FRMD4A: variants seen among roughly 807,000 people sequenced by gnomAD.
The protein encoded by FRMD4A is FERM domain containing 4A.
FRMD4A carries 29 observed loss-of-function variants against 129.1 expected under a neutral mutation model. That is an observed-to-expected ratio of 0.22 (90% CI 0.17 to 0.31). The LOEUF (loss-of-function observed/expected upper bound fraction) is 0.31. FRMD4A is among the 10% of genes least tolerant of loss of function. FRMD4A has a pLI of 1.00. For missense variants in FRMD4A, 1,272 were observed against 1,375.8 expected (o/e 0.92, Z 1.19); for synonymous variants, 634 against 571.6 (o/e 1.11, Z -1.56).
chr10:14,174,915 G>A (rs953976440), intron 2 of FRMD4A, among the ~76,000 whole-genome samples: 1 of 149,072 alleles, frequency 6.7e-6, no homozygotes, highest in African/African-American at 2.5e-5. Context: ...GTGTGTGTGT[G>A]TGTGGACGCG....
At chr10:14,287,224 T>C (rs1220942064) in intron 2 of FRMD4A, among the ~76,000 whole-genome samples, 2 of 152,112 alleles carry the variant, frequency 1.3e-5, no homozygotes, top group African/African-American at 4.8e-5. Context: ...GCTCTTCCTC[T>C]TCCGTGTTTC....
At position 14,206,888 on chromosome 10, in the gene FRMD4A, T is replaced by C. The variant is rs78628268; in HGVS notation, c.45+123170A>G. 6.2e-4 allele frequency among the ~76,000 whole-genome samples: 94 copies of C among 151,160 alleles called. 2 individuals carry two copies. In the East Asian group the frequency reaches 0.018, roughly 28 times the overall value. ...CCTAAAGGTGAGATCCACAGGCTCATGCCCCACTGATTGGAATGCAAAATG... is the reference window on the plus strand; with the variant it reads ...CCTAAAGGTGAGATCCACAGGCTCACGCCCCACTGATTGGAATGCAAAATG... On this transcript the variant is annotated intron_variant, in intron 2 of 24. Coordinates refer to ENST00000357447, the MANE Select transcript of FRMD4A (RefSeq NM_018027.5).
chr10:14,045,111 C>CTTGATAGATAG (rs1833933745), intron 2 of FRMD4A, among the ~76,000 whole-genome samples: 9 of 152,132 alleles, frequency 5.9e-5, no homozygotes, highest in African/African-American at 2.2e-4. Context: ...CTATGTTGCC[C>CTTGATAGATAG]TGGCTGGTCT....
At chr10:13,656,008 T>C (rs2082112632) in intron 22 of FRMD4A, 1 of 152,204 alleles carries the variant, frequency 6.6e-6, no homozygotes, top group Non-Finnish European at 1.5e-5. Flanking sequence ...GAATATAAGG[T>C]AAACTTTATA....
intron 2 of FRMD4A, among the ~76,000 whole-genome samples, chr10:13,940,543 C>A (rs2095283303): frequency 6.6e-6 from 1 of 152,244 alleles, no homozygotes; most frequent in East Asian, 1.9e-4. Flanking sequence ...CTGAATAATG[C>A]CTATGTATAG....
chr10:14,141,978 T>A (rs1433276655), intron 2 of FRMD4A, among the ~76,000 whole-genome samples: 1 of 152,182 alleles, frequency 6.6e-6, no homozygotes, highest in Non-Finnish European at 1.5e-5. Flanking sequence ...AAATGTGTAT[T>A]TGCTCTAACA....
intron 2 of FRMD4A, among the ~76,000 whole-genome samples, chr10:14,224,400 G>A (rs972214459): frequency 6.6e-6 from 1 of 152,196 alleles, no homozygotes; most frequent in African/African-American, 2.4e-5. Flanking sequence ...TCAAAGGAGG[G>A]CCCTGTGAGA....
rs111779542 is a variant in FRMD4A at position 14,305,235 on chromosome 10, A to G, written c.45+24823T>C. Among the ~76,000 whole-genome samples, 249 of 152,290 alleles carry G rather than the reference A, an allele frequency of 1.6e-3. 1 individual carries two copies. Among genetic ancestry groups the G allele is most frequent in the African/African-American group, 5.8e-3 (242 of 41,560 alleles). On this transcript the variant is annotated intron_variant, in intron 2 of 24. Transcript: ENST00000357447. Reference sequence around the variant, plus strand: ...GGAACCTGTGCTTTTTCCTTGAGCTATTTACCAGGTTCATTATTCACATTT... The same window carrying G: ...GGAACCTGTGCTTTTTCCTTGAGCTGTTTACCAGGTTCATTATTCACATTT...
intron 2 of FRMD4A, among the ~76,000 whole-genome samples, chr10:14,176,240 C>A (rs1166772487): frequency 6.6e-6 from 1 of 152,120 alleles, no homozygotes; most frequent in Non-Finnish European, 1.5e-5. Context: ...CAAAACTCAA[C>A]CAACTCATCA....
At chr10:13,665,175 G>A (rs2082922915) in intron 18 of FRMD4A, among the ~76,000 whole-genome samples, 1 of 152,030 alleles carries the variant, frequency 6.6e-6, no homozygotes, top group Non-Finnish European at 1.5e-5. Context: ...CCCAGCCCCA[G>A]CTTAACTATT....
chr10:14,300,408 C>A (rs1846147051), intron 2 of FRMD4A, among the ~76,000 whole-genome samples: 1 of 152,182 alleles, frequency 6.6e-6, no homozygotes, highest in South Asian at 2.1e-4. Flanking sequence ...TTTAGACAGT[C>A]TGCAATTTTT....
At chr10:13,818,828 A>T (rs1009056695) in intron 3 of FRMD4A, among the ~76,000 whole-genome samples, 28 of 152,200 alleles carry the variant, frequency 1.8e-4, no homozygotes, top group Admixed American at 6.5e-5. Flanking sequence ...TAAATTATTT[A>T]AAAAATTCCA....
At chr10:13,810,480 T>C (rs1412804168) in intron 4 of FRMD4A, among the ~76,000 whole-genome samples, 1 of 152,234 alleles carries the variant, frequency 6.6e-6, no homozygotes, top group Non-Finnish European at 1.5e-5. Context: ...ATGTTTCATT[T>C]CCAGAAGTTT....
chr10:13,776,053 A>G (rs2092590133), intron 6 of FRMD4A, among the ~76,000 whole-genome samples: 1 of 152,246 alleles, frequency 6.6e-6, no homozygotes, highest in South Asian at 2.1e-4. Context: ...CCATACTAAG[A>G]AAATGGAAAA....
intron 12 of FRMD4A, among the ~76,000 whole-genome samples, chr10:13,730,859 CAAAAAAA>C (rs10639026): frequency 7.7e-5 from 7 of 90,854 alleles, no homozygotes; most frequent in African/African-American, 1.7e-4. Flanking sequence ...ACTAAAAATA[CAAAAAAA>C]AAAAAAAAAA....
At chr10:13,775,188 A>G (rs891979973) in intron 6 of FRMD4A, among the ~76,000 whole-genome samples, 2 of 152,172 alleles carry the variant, frequency 1.3e-5, no homozygotes, top group African/African-American at 4.8e-5. Flanking sequence ...TCCAAAAAGA[A>G]CCTCACAACT....
chr10:13,792,455 T>C (rs1197662914), intron 5 of FRMD4A, among the ~76,000 whole-genome samples: 2 of 151,982 alleles, frequency 1.3e-5, no homozygotes, highest in Non-Finnish European at 2.9e-5. Context: ...CAGCATGCAG[T>C]AGGGGAGGAC....
chr10:14,209,718 C>CAA (rs34707420), intron 2 of FRMD4A, among the ~76,000 whole-genome samples: 7,287 of 108,358 alleles, frequency 0.067, 290 homozygotes, highest in Non-Finnish European at 0.086. Context: ...GAGACTGTCT[C>CAA]AAAAAAAAAA....
chr10:13,856,046 C>G (rs999619787), intron 3 of FRMD4A, among the ~76,000 whole-genome samples: 4 of 150,144 alleles, frequency 2.7e-5, no homozygotes, highest in Non-Finnish European at 5.9e-5. Context: ...ATCTATCTAT[C>G]TATCTATCTA....
Sources: allele counts gnomAD v4.1 joint callset (sites outside exome capture counted in the v4.1 genomes callset), GRCh38; gene constraint gnomAD v4.1.1; transcripts MANE v1.5; gene names NCBI Gene and HGNC (gene_info 2026-07-23, HGNC 2026-07-21).